The following SCGN variants were observed in gnomAD, a reference collection of about 807,000 sequenced individuals.
SCGN encodes secretagogin, EF-hand calcium binding protein, also known as secretagogin.
A neutral mutation model predicts 39.7 loss-of-function variants in SCGN; 30 were observed. The ratio of observed to expected loss-of-function variants is 0.76; its 90% CI spans 0.57 to 1.03. The LOEUF (loss-of-function observed/expected upper bound fraction) is 1.03, where lower values mean the gene tolerates loss of function less well. SCGN is among the 50% of genes least tolerant of loss of function. SCGN has a pLI of 0.00. For synonymous variants in SCGN, 106 were observed against 114.1 expected, an observed-to-expected ratio of 0.93 and a Z score of 0.45; for missense variants, 353 against 349.4, an observed-to-expected ratio of 1.01 and a Z score of -0.08.
At chr6:25,670,137 A>G in intron 6 of SCGN, 61 bp downstream of exon 6, 1 of 1,131,102 alleles carries the variant, frequency 8.8e-7, no homozygotes, top group Non-Finnish European at 1.4e-6. Context: ...CCCAGACCCC[A>G]GAAACAGTGT....
chr6:25,677,373 G>C (rs1471283095), intron 6 of SCGN, among the ~76,000 whole-genome samples: 1 of 151,968 alleles, frequency 6.6e-6, no homozygotes. Context: ...CTTAATAATT[G>C]TTTGGGATAT....
intron 3 of SCGN, among the ~76,000 whole-genome samples, chr6:25,662,380 G>T (rs1288217675): frequency 6.6e-6 from 1 of 152,110 alleles, no homozygotes; most frequent in African/African-American, 2.4e-5. Flanking sequence ...AAGTGGTAAT[G>T]GTTTTAATGG....
At chr6:25,670,220 C>A in intron 6 of SCGN, 144 bp downstream of exon 6, 1 of 661,408 alleles carries the variant, frequency 1.5e-6, no homozygotes, top group South Asian at 1.8e-5. Flanking sequence ...CTGAAAAATA[C>A]TGGCTAAAAC....
chr6:25,669,679 C>CA (rs1349078715), intron 5 of SCGN, 112 bp downstream of exon 5: 11 of 851,248 alleles, frequency 1.3e-5, no homozygotes, highest in Non-Finnish European at 2.2e-5. Flanking sequence ...ATATGTGACT[C>CA]AAAAAATACA....
At position 25,699,725 on chromosome 6, in the gene SCGN, T is replaced by A. The variant is rs987827023; in HGVS notation, c.703-1482T>A. On this transcript the variant is annotated intron_variant, in intron 10 of 10. Transcript: ENST00000377961. Reference sequence around the variant, plus strand: ...GCCCACCCATGTTGCCAGTTAGTTCTGTTTGTGCAAATAAAGGATTCAAAC... The same window carrying A: ...GCCCACCCATGTTGCCAGTTAGTTCAGTTTGTGCAAATAAAGGATTCAAAC... 4.6e-5 allele frequency among the ~76,000 whole-genome samples: 7 copies of A among 152,180 alleles called. No homozygotes were observed. In the South Asian group the frequency reaches 8.3e-4, roughly 18 times the overall value.
At position 25,693,451 on chromosome 6, in the gene SCGN, CAAAA is replaced by C. The variant is rs11376402; in HGVS notation, c.702+2349_702+2352del. ...TGGGCAACAGAGCGAGACTCCGTCT[CAAAA>C]AAAAAAAAAAAAAAAAAAAAAGGAA... On this transcript the variant is annotated intron_variant, in intron 10 of 10. Transcript: ENST00000377961. Among the ~76,000 whole-genome samples the C allele has an allele frequency of 6.4e-4, 31 of 48,412 alleles. No individual in the cohort carries two copies. The East Asian group carries it at 0.014, about 22-fold the overall frequency. 31.8% of individuals were successfully genotyped at this position (48,412 alleles called of 152,430 possible).
At position 25,652,400 on chromosome 6, in the gene SCGN, C is replaced by T. The variant is rs1469487521; in HGVS notation, c.-4C>T. 1.2e-6 allele frequency: 2 copies of T among 1,614,070 alleles called. No homozygotes were observed. The highest frequency in any genetic ancestry group is 3.3e-5 in the Admixed American group (2 of 60,030). ...GCCGGTGCCTGGTCTTCGTCGTCAA[C>T]ACCATGGACAGCTCCCGGGAACCGA... On this transcript the variant is annotated 5_prime_UTR_variant, in exon 1 of 11. Transcript: ENST00000377961.
chr6:25,657,995 A>G (rs143085181), intron 2 of SCGN, among the ~76,000 whole-genome samples: 4,019 of 93,436 alleles, frequency 0.043, 125 homozygotes, highest in Non-Finnish European at 0.065. Flanking sequence ...TTCATTTAGA[A>G]AGGTATCCTT....
chr6:25,653,646 A>T (rs1157236175), intron 2 of SCGN, among the ~76,000 whole-genome samples, 194 bp downstream of exon 2: 1 of 152,242 alleles, frequency 6.6e-6, no homozygotes, highest in African/African-American at 2.4e-5. Flanking sequence ...AGCATTAGAC[A>T]TGCTGGTTAC....
intron 6 of SCGN, among the ~76,000 whole-genome samples, chr6:25,674,669 A>G (rs999653684): frequency 1.3e-5 from 2 of 152,250 alleles, no homozygotes; most frequent in Non-Finnish European, 2.9e-5. Flanking sequence ...AAGGATTGGC[A>G]CATTTAAAAA....
intron 2 of SCGN, among the ~76,000 whole-genome samples, chr6:25,653,830 G>T (rs1022056910): frequency 6.6e-6 from 1 of 152,162 alleles, no homozygotes; most frequent in Non-Finnish European, 1.5e-5. Flanking sequence ...AAGATTTTGG[G>T]TGTTTAATAT....
rs779294974 is a variant in SCGN, at chr6:25,669,568, G to A, written c.393+1G>A. On this transcript the variant is annotated splice_donor_variant, in intron 5 of 10. Coordinates refer to ENST00000377961, the MANE Select transcript of SCGN (RefSeq NM_006998.4). LOFTEE classifies it high-confidence loss of function. ...CTTTATATCAGCTGCTGAGCTCCGC[G>A]TGAGTGTCACTGGGTGAAGGGTGGG... is the stretch of plus-strand genomic sequence containing the variant. 3.7e-6 allele frequency: 6 copies of A among 1,612,312 alleles called. No individual in the cohort carries two copies. In the South Asian group the frequency reaches 4.4e-5, roughly 12 times the overall value.
Position 25,652,301 on chromosome 6 carries a change from A to C in SCGN, c.-103A>C. On this transcript the variant is annotated 5_prime_UTR_variant, in exon 1 of 11. Coordinates refer to ENST00000377961, the MANE Select transcript of SCGN (RefSeq NM_006998.4). ...AACAGTTACTCAAAGCTAATCAGATAGCGAAAGAAGCAGGAGAGCAAGTCA... is the reference window on the plus strand; with the variant it reads ...AACAGTTACTCAAAGCTAATCAGATCGCGAAAGAAGCAGGAGAGCAAGTCA... 1 of 896,138 alleles carries C rather than the reference A, an allele frequency of 1.1e-6. No individual in the cohort carries two copies. Among genetic ancestry groups the C allele is most frequent in the Admixed American group, 1.9e-5 (1 of 53,890 alleles). 55.5% of individuals were successfully genotyped at this position (896,138 alleles called of 1,614,324 possible). A position where few individuals can be genotyped will look rare whatever the true frequency, so the allele number is the denominator to read the frequency against.
At chr6:25,684,724 C>T (rs1759681605) in intron 7 of SCGN, among the ~76,000 whole-genome samples, 1 of 152,070 alleles carries the variant, frequency 6.6e-6, no homozygotes, top group Non-Finnish European at 1.5e-5. Flanking sequence ...GCAGGAGAAT[C>T]GCTTGAACTC....
Position 25,666,916 on chromosome 6 carries a change from C to T in SCGN, c.336+1884C>T, listed in dbSNP as rs556906267. ...TTTATTTTAAATGACATTTTCAAAACGATTCTAATTGTGTTTAAAAACACT... is the reference window on the plus strand; with the variant it reads ...TTTATTTTAAATGACATTTTCAAAATGATTCTAATTGTGTTTAAAAACACT... On this transcript the variant is annotated intron_variant, in intron 4 of 10. Coordinates refer to ENST00000377961, the MANE Select transcript of SCGN (RefSeq NM_006998.4). Among the ~76,000 whole-genome samples the T allele has an allele frequency of 9.9e-5, 15 of 152,056 alleles. No individual in the cohort carries two copies. In the East Asian group the frequency reaches 2.1e-3, roughly 22 times the overall value.
At chr6:25,691,173 A>G (rs1759769890) in intron 10 of SCGN, 49 bp downstream of exon 10, 1 of 1,360,088 alleles carries the variant, frequency 7.4e-7, no homozygotes, top group South Asian at 1.2e-5. Context: ...GTTTTGATTT[A>G]TTCCATTGTT....
At position 25,691,029 on chromosome 6, in the gene SCGN, T is replaced by G. The variant is rs768182839; in HGVS notation, c.634-27T>G. 8.1e-6 allele frequency: 13 copies of G among 1,597,648 alleles called. No homozygotes were observed. The African/African-American group carries it at 1.6e-4, about 20-fold the overall frequency. ...CTTTTTGGCTTAAGAAACTGATATT[T>G]GGGCAATTGGATCTTTTCTTTTTCA... On this transcript the variant is annotated intron_variant, in intron 9 of 10. Coordinates refer to ENST00000377961, the MANE Select transcript of SCGN (RefSeq NM_006998.4).
At chr6:25,669,854 T>A in intron 5 of SCGN, 145 bp from the exon 6 acceptor site, 1 of 752,930 alleles carries the variant, frequency 1.3e-6, no homozygotes, top group African/African-American at 1.7e-5. Flanking sequence ...GTGACAGCCC[T>A]CCATTCTTGG....
chr6:25,656,292 A>C (rs1027011255), intron 2 of SCGN, among the ~76,000 whole-genome samples: 2 of 152,204 alleles, frequency 1.3e-5, no homozygotes, highest in Non-Finnish European at 2.9e-5. Context: ...GTGGTAAGCC[A>C]ACCTTCAGAG....
Sources: gnomAD v4.1 joint callset for allele counts (sites outside exome capture counted in the v4.1 genomes callset) on GRCh38, gnomAD v4.1.1 for gene constraint, MANE v1.5 for transcripts, NCBI Gene and HGNC (gene_info 2026-07-23, HGNC 2026-07-21) for gene names.